ZNF148: variants seen among roughly 807,000 people sequenced by gnomAD.
ZNF148 encodes the protein Beta-Enolase Repressor Factor-1.
ZNF148 carries 7 observed loss-of-function variants against 67.7 expected under a neutral mutation model. The ratio of observed to expected loss-of-function variants is 0.10; its 90% CI spans 0.06 to 0.19. ZNF148 has a LOEUF of 0.19. Among genes scored for constraint, ZNF148 ranks in the 10% least tolerant of loss-of-function variants. The pLI, the probability that ZNF148 is intolerant of heterozygous loss-of-function variation, is 1.00. For synonymous variants in ZNF148, 333 were observed against 330.7 expected (o/e 1.01, Z -0.08); for missense variants, 583 against 947.1 (o/e 0.62, Z 5.05).
Position 125,313,502 on chromosome 3 carries a change from G to GTAC in ZNF148, c.136_138dup (p.Val46dup). ...TGGTGAGGCATACTTCGATCTTGAA[G>GTAC]TACTGAATCCTGTAGCTCTCCAGAC... On this transcript the variant is annotated inframe_insertion, in exon 4 of 9. Coordinates refer to ENST00000360647, the MANE Select transcript of ZNF148 (RefSeq NM_021964.3). 6.2e-7 allele frequency: 1 copy of GTAC among 1,614,130 alleles called. No homozygotes were observed. Among genetic ancestry groups the GTAC allele is most frequent in the South Asian group, 1.1e-5 (1 of 91,086 alleles).
chr3:125,304,700 C>A (rs1407830484), intron 4 of ZNF148, among the ~76,000 whole-genome samples: 2 of 152,102 alleles, frequency 1.3e-5, no homozygotes, highest in African/African-American at 4.8e-5. Context: ...AATATGTGCA[C>A]TATATGTAAA....
chr3:125,258,703 T>C (rs540257594), intron 7 of ZNF148, among the ~76,000 whole-genome samples: 10 of 152,342 alleles, frequency 6.6e-5, no homozygotes, highest in African/African-American at 2.2e-4. Context: ...TTTTAGTGCT[T>C]CAGTTTGGTA....
intron 7 of ZNF148, among the ~76,000 whole-genome samples, chr3:125,239,532 T>C (rs1936249382): frequency 6.6e-6 from 1 of 152,100 alleles, no homozygotes; most frequent in African/African-American, 2.4e-5. Flanking sequence ...AACAAAAGCA[T>C]GGATGTAGAG....
intron 6 of ZNF148, among the ~76,000 whole-genome samples, chr3:125,278,572 C>CT (rs1322946743): frequency 6.6e-6 from 1 of 152,102 alleles, no homozygotes; most frequent in Non-Finnish European, 1.5e-5. Context: ...GGCACTGGCA[C>CT]TGTTGGTCAC....
At chr3:125,306,988 GAGA>G (rs1356042889) in intron 4 of ZNF148, among the ~76,000 whole-genome samples, 1 of 150,148 alleles carries the variant, frequency 6.7e-6, no homozygotes, top group Non-Finnish European at 1.5e-5. Flanking sequence ...TCAGAAAACA[GAGA>G]AGGAAACACT....
intron 1 of ZNF148, among the ~76,000 whole-genome samples, chr3:125,356,531 T>G (rs1374651580): frequency 6.6e-6 from 1 of 152,210 alleles, no homozygotes; most frequent in Non-Finnish European, 1.5e-5. Context: ...CTGAATAGGA[T>G]TTTATTTATA....
At chr3:125,318,962 A>G (rs1384480679) in intron 3 of ZNF148, among the ~76,000 whole-genome samples, 2 of 151,810 alleles carry the variant, frequency 1.3e-5, no homozygotes, top group African/African-American at 4.8e-5. Flanking sequence ...CCACAACACA[A>G]CTTCCAGTTC....
intron 7 of ZNF148, among the ~76,000 whole-genome samples, chr3:125,260,605 T>C (rs1203769609): frequency 6.6e-6 from 1 of 152,104 alleles, no homozygotes; most frequent in Admixed American, 6.5e-5. Context: ...TCATGGGGTG[T>C]TGGTAGGAGA....
At chr3:125,262,499 A>G (rs183513808) in intron 7 of ZNF148, among the ~76,000 whole-genome samples, 3 of 152,336 alleles carry the variant, frequency 2.0e-5, no homozygotes, top group African/African-American at 7.2e-5. Flanking sequence ...TTGTGATTCA[A>G]TATTAGGTGC....
At chr3:125,340,919 C>T (rs71325832) in intron 1 of ZNF148, among the ~76,000 whole-genome samples, 6 of 131,566 alleles carry the variant, frequency 4.6e-5, no homozygotes, top group South Asian at 2.7e-4. Flanking sequence ...ACCCAGGAGG[C>T]GGAGCTTGCA....
At chr3:125,240,759 T>G (rs1232757720) in intron 7 of ZNF148, among the ~76,000 whole-genome samples, 1 of 148,386 alleles carries the variant, frequency 6.7e-6, no homozygotes, top group African/African-American at 2.5e-5. Flanking sequence ...TGCAAGATCC[T>G]GTCTGCAAAA....
chr3:125,242,377 CT>C (rs2107529852), intron 7 of ZNF148, among the ~76,000 whole-genome samples: 1 of 152,252 alleles, frequency 6.6e-6, no homozygotes, highest in South Asian at 2.1e-4. Flanking sequence ...TCCCAGCACT[CT>C]TGGAGGCCGA....
intron 4 of ZNF148, among the ~76,000 whole-genome samples, chr3:125,290,625 T>C (rs1938958222): frequency 6.6e-6 from 1 of 152,180 alleles, no homozygotes; most frequent in Non-Finnish European, 1.5e-5. Flanking sequence ...GCCTGCTCTG[T>C]CAGGCTAAAA....
intron 5 of ZNF148, among the ~76,000 whole-genome samples, chr3:125,284,410 T>C (rs1015517743): frequency 2.0e-5 from 3 of 152,058 alleles, no homozygotes; most frequent in Admixed American, 2.0e-4. Flanking sequence ...CACCCAGATA[T>C]ACAGCAATGT....
At chr3:125,238,821 C>G (rs1183751274) in intron 7 of ZNF148, among the ~76,000 whole-genome samples, 1 of 152,106 alleles carries the variant, frequency 6.6e-6, no homozygotes, top group Non-Finnish European at 1.5e-5. Context: ...CAACACTGAT[C>G]ACAGAATTAT....
chr3:125,238,847 G>C (rs1936215338), intron 7 of ZNF148, among the ~76,000 whole-genome samples: 1 of 152,104 alleles, frequency 6.6e-6, no homozygotes, highest in Non-Finnish European at 1.5e-5. Context: ...ATAGACAAAA[G>C]GCAGAAGTAA....
chr3:125,241,872 C>T (rs1230761217), intron 7 of ZNF148, among the ~76,000 whole-genome samples: 2 of 152,214 alleles, frequency 1.3e-5, no homozygotes, highest in Non-Finnish European at 1.5e-5. Flanking sequence ...ACTCCCATAC[C>T]AGCCATGGAT....
intron 5 of ZNF148, among the ~76,000 whole-genome samples, chr3:125,287,226 C>T (rs557626871): frequency 3.4e-4 from 51 of 151,774 alleles, no homozygotes; most frequent in African/African-American, 1.2e-3. Context: ...ACTTTCTCAC[C>T]ACATGAGGGA....
At chr3:125,272,617 GTTT>G (rs980842952) in intron 7 of ZNF148, among the ~76,000 whole-genome samples, 3 of 78,152 alleles carry the variant, frequency 3.8e-5, no homozygotes, top group Non-Finnish European at 7.8e-5. Flanking sequence ...TATATATCAG[GTTT>G]TTATCAATTT....
Sources: allele counts gnomAD v4.1 joint callset (sites outside exome capture counted in the v4.1 genomes callset), GRCh38; gene constraint gnomAD v4.1.1; transcripts MANE v1.5; gene names NCBI Gene and HGNC (gene_info 2026-07-23, HGNC 2026-07-21).